Variants in MSH3 observed in about 807,000 individuals in gnomAD.
MSH3 encodes DNA mismatch repair protein Msh3.
In MSH3, 106 loss-of-function variants were observed where a neutral mutation model predicts 123.3. The ratio of observed to expected loss-of-function variants is 0.86; its 90% confidence interval spans 0.73 to 1.01. The LOEUF is 1.01. MSH3 is among the 50% of genes least tolerant of loss of function. The pLI is 0.00. For missense variants in MSH3, 1,459 were observed against 1,347.6 expected (o/e 1.08, Z -1.29); for synonymous variants, 515 against 481.4 (o/e 1.07, Z -0.91).
At chr5:80,817,585 A>G (rs1245288278) in intron 20 of MSH3, among the ~76,000 whole-genome samples, 1 of 152,158 alleles carries the variant, frequency 6.6e-6, no homozygotes, top group Non-Finnish European at 1.5e-5. Context: ...TAATTAATTA[A>G]TCACCTTTGG....
chr5:80,781,151 A>C (rs1490954040), intron 17 of MSH3, among the ~76,000 whole-genome samples: 1 of 152,084 alleles, frequency 6.6e-6, no homozygotes, highest in Non-Finnish European at 1.5e-5. Context: ...TTTCTATTTC[A>C]CTTTTAATTT....
chr5:80,798,637 G>A (rs1744739367), intron 19 of MSH3, among the ~76,000 whole-genome samples: 1 of 152,136 alleles, frequency 6.6e-6, no homozygotes, highest in Non-Finnish European at 1.5e-5. Flanking sequence ...TTTGAATCAT[G>A]AGCCCATGGA....
intron 19 of MSH3, among the ~76,000 whole-genome samples, chr5:80,812,143 A>C (rs1435339319): frequency 1.3e-5 from 2 of 152,234 alleles, no homozygotes; most frequent in African/African-American, 4.8e-5. Context: ...TTACACAGGA[A>C]GAGCAGGATC....
Position 80,792,784 on chromosome 5 carries a change from T to C in MSH3, c.2595T>C (p.Pro865=). 1.9e-6 allele frequency: 3 copies of C among 1,613,560 alleles called. No individual in the cohort carries two copies. In the South Asian group the frequency reaches 3.3e-5, roughly 18 times the overall value. ...TTGTAATAAAAAATGGAAGGCACCC[T>C]GTGATTGATGTGTTGCTGGGAGAAC... ...RKIVIKNGRH[P]VIDVLLGEQD... is the part of the protein sequence containing the mutation. Residue 865 remains proline (P), a synonymous_variant, in exon 19 of 24, where the codon CCT becomes CCC. Transcript: ENST00000265081.
At chr5:80,663,071 CAAA>C (rs1399730597) in intron 2 of MSH3, among the ~76,000 whole-genome samples, 1 of 151,948 alleles carries the variant, frequency 6.6e-6, no homozygotes, top group East Asian at 1.9e-4. Flanking sequence ...CCTGTCTATA[CAAA>C]AAATTAAAAA....
Position 80,675,469 on chromosome 5 carries a change from G to A in MSH3, c.1173+341G>A, listed in dbSNP as rs6151649. Among the ~76,000 whole-genome samples, 971 of 152,224 alleles carry A rather than the reference G, an allele frequency of 6.4e-3. 8 individuals carry two copies. Among genetic ancestry groups the A allele is most frequent in the African/African-American group, 0.022 (926 of 41,516 alleles). On this transcript the variant is annotated intron_variant, in intron 7 of 23. Transcript: ENST00000265081. Reference sequence around the variant, plus strand: ...GAAACTTACAATCATGGCGAAAGGCGAAGGGGAAGCAGTGACATCTTCACA... The same window carrying A: ...GAAACTTACAATCATGGCGAAAGGCAAAGGGGAAGCAGTGACATCTTCACA...
chr5:80,698,613 A>G (rs1264838806), intron 8 of MSH3, among the ~76,000 whole-genome samples: 2 of 146,040 alleles, frequency 1.4e-5, no homozygotes, highest in African/African-American at 5.2e-5. Flanking sequence ...TGCCAGCATG[A>G]GCAGGCAACC....
At position 80,876,773 on chromosome 5, in the gene MSH3, GTCAT is replaced by G. The variant is rs1445912681; in HGVS notation, c.*919_*922del. On this transcript the variant is annotated 3_prime_UTR_variant, in exon 24 of 24. Coordinates refer to ENST00000265081, the MANE Select transcript of MSH3 (RefSeq NM_002439.5). ...TAAAGATTGTTGGATGAAATTATTT[GTCAT>G]TCATTCAAGTAATAAATATTTAATG... Among the ~76,000 whole-genome samples, 2 of 152,172 alleles carry G rather than the reference GTCAT, an allele frequency of 1.3e-5. No individual in the cohort carries two copies. The highest frequency in any genetic ancestry group is 2.9e-5 in the Non-Finnish European group (2 of 68,018).
Position 80,665,128 on chromosome 5 carries a change from T to C in MSH3, c.359-15T>C, listed in dbSNP as rs994459946. 1.9e-6 allele frequency: 3 copies of C among 1,606,180 alleles called. No individual in the cohort carries two copies. Among genetic ancestry groups the C allele is most frequent in the Non-Finnish European group, 2.6e-6 (3 of 1,173,314 alleles). ...AATTACTATTGTTCTGTTTTCTTCT[T>C]ATTTGCTGCCTAAGAGCCAAAGAAA... On this transcript the variant is annotated splice_polypyrimidine_tract_variant and intron_variant, in intron 2 of 23. Transcript: ENST00000265081.
intron 21 of MSH3, chr5:80,855,873 C>CTTTTTTTTTTTTTTTTTTTTTTTTTTT (rs5869058): frequency 2.8e-5 from 3 of 107,136 alleles, no homozygotes; most frequent in African/African-American, 3.6e-5. Flanking sequence ...TCCTCCTCCT[C>CTTTTTTTTTTTTTTTTTTTTTTTTTTT]TTTTTTTTTT....
At chr5:80,836,393 G>C (rs1017781315) in intron 20 of MSH3, among the ~76,000 whole-genome samples, 3 of 152,072 alleles carry the variant, frequency 2.0e-5, no homozygotes, top group Admixed American at 2.0e-4. Flanking sequence ...CTATGGGAGG[G>C]GAATCAGGGA....
At chr5:80,804,052 C>T (rs753245500) in intron 19 of MSH3, among the ~76,000 whole-genome samples, 5 of 152,070 alleles carry the variant, frequency 3.3e-5, no homozygotes, top group Non-Finnish European at 7.4e-5. Flanking sequence ...TTTTGTGTTT[C>T]CATATAAATT....
intron 16 of MSH3, among the ~76,000 whole-genome samples, chr5:80,778,068 G>A (rs761448243): frequency 6.6e-6 from 1 of 152,130 alleles, no homozygotes; most frequent in Non-Finnish European, 1.5e-5. Context: ...CTGGAGCCTC[G>A]ACCTGGCTTC....
intron 8 of MSH3, among the ~76,000 whole-genome samples, chr5:80,696,145 G>A (rs1365335501): frequency 1.3e-5 from 2 of 152,200 alleles, no homozygotes; most frequent in Non-Finnish European, 1.5e-5. Context: ...TCCCCGTAAG[G>A]AGTGAGAAGG....
intron 8 of MSH3, among the ~76,000 whole-genome samples, chr5:80,703,774 G>A (rs977672140): frequency 1.3e-5 from 2 of 152,046 alleles, no homozygotes; most frequent in South Asian, 2.1e-4. Context: ...CTTTGTCAAT[G>A]TGCTGATGTG....
chr5:80,702,179 A>G (rs986356703), intron 8 of MSH3, among the ~76,000 whole-genome samples: 1 of 152,148 alleles, frequency 6.6e-6, no homozygotes, highest in African/African-American at 2.4e-5. Flanking sequence ...CTCCGTGACC[A>G]GGTCCTAGGA....
At chr5:80,824,246 G>T (rs1366390637) in intron 20 of MSH3, among the ~76,000 whole-genome samples, 1 of 152,202 alleles carries the variant, frequency 6.6e-6, no homozygotes, top group African/African-American at 2.4e-5. Flanking sequence ...GGGCAGAGGG[G>T]CTCCTCACTT....
At chr5:80,823,528 A>G (rs1745236937) in intron 20 of MSH3, among the ~76,000 whole-genome samples, 1 of 152,126 alleles carries the variant, frequency 6.6e-6, no homozygotes, top group Non-Finnish European at 1.5e-5. Context: ...AGTTGATGGC[A>G]TTCTGTCTGG....
chr5:80,784,212 C>CAAAAAAAAAAAAAAAAAAAAAAAAAA lies in MSH3; in HGVS notation c.2436-3351_2436-3326dup, dbSNP rs1192783960. On this transcript the variant is annotated intron_variant, in intron 17 of 23. Coordinates refer to ENST00000265081, the MANE Select transcript of MSH3 (RefSeq NM_002439.5). ...GCGAAAGAGCGAGACTACTACGTCG[C>CAAAAAAAAAAAAAAAAAAAAAAAAAA]AAAAAAAAAAAAAAAAAAAAAAAAA... 2.4e-3 allele frequency among the ~76,000 whole-genome samples: 29 copies of CAAAAAAAAAAAAAAAAAAAAAAAAAA among 11,992 alleles called. 3 individuals carry two copies. Among genetic ancestry groups the CAAAAAAAAAAAAAAAAAAAAAAAAAA allele is most frequent in the Admixed American group, 5.0e-3 (4 of 794 alleles). The allele number at this position is 11,992 out of a possible 152,430, so 7.9% of individuals were successfully genotyped here.
Sources: gnomAD v4.1 joint callset for allele counts (sites outside exome capture counted in the v4.1 genomes callset) on GRCh38, gnomAD v4.1.1 for gene constraint, MANE v1.5 for transcripts, NCBI Gene and HGNC (gene_info 2026-07-23, HGNC 2026-07-21) for gene names.